The following RBFOX3 variants were observed in gnomAD, a reference collection of about 807,000 sequenced individuals.
RBFOX3 encodes RNA binding protein fox-1 homolog 3.
RBFOX3 carries 17 observed loss-of-function variants against 48.7 expected under a neutral mutation model. The ratio of observed to expected loss-of-function variants is 0.35; its 90% confidence interval spans 0.24 to 0.52. The LOEUF (loss-of-function observed/expected upper bound fraction) is 0.52. RBFOX3 is among the 20% of genes least tolerant of loss of function. The pLI is 0.94. For missense variants in RBFOX3, 382 were observed against 497.5 expected, an observed-to-expected ratio of 0.77 and a Z score of 2.21; for synonymous variants, 212 against 209.5, an observed-to-expected ratio of 1.01 and a Z score of -0.10.
Position 79,311,268 on chromosome 17 carries a change from A to G in RBFOX3, c.-174-3444T>C, listed in dbSNP as rs1282973337. On this transcript the variant is annotated intron_variant, in intron 2 of 14. Transcript: ENST00000693108. This position sits in a 1 kb window ranked among gnomAD's most constrained non-coding sequence, Gnocchi z 4.2. ...GCCAACATGTCAAAACCCCATCTCT[A>G]TTAAAAATACAAAAATTAGCTAGGC... Among the ~76,000 whole-genome samples the G allele has an allele frequency of 6.6e-6, 1 of 152,050 alleles. No homozygotes were observed. Among genetic ancestry groups the G allele is most frequent in the African/African-American group, 2.4e-5 (1 of 41,384 alleles).
At chr17:79,124,747 G>A (rs893272064) in intron 4 of RBFOX3, among the ~76,000 whole-genome samples, 2 of 152,228 alleles carry the variant, frequency 1.3e-5, no homozygotes, top group African/African-American at 4.8e-5. Flanking sequence ...CCCTTACCCC[G>A]CCTCTGCTCC....
At chr17:79,448,770 C>T (rs1024187978) in intron 2 of RBFOX3, among the ~76,000 whole-genome samples, 4 of 152,196 alleles carry the variant, frequency 2.6e-5, no homozygotes, top group African/African-American at 2.4e-5. Flanking sequence ...GCTCCCAGAG[C>T]AGGTTCAACA....
At chr17:79,167,364 C>G (rs2048225833) in intron 4 of RBFOX3, among the ~76,000 whole-genome samples, 1 of 152,028 alleles carries the variant, frequency 6.6e-6, no homozygotes, top group African/African-American at 2.4e-5. Context: ...TCTGGGGGCC[C>G]CTCCTTCTCT....
chr17:79,572,920 C>T (rs1015811588), intron 1 of RBFOX3, among the ~76,000 whole-genome samples: 13 of 151,846 alleles, frequency 8.6e-5, no homozygotes, highest in African/African-American at 3.1e-4. Context: ...GATAAGACAG[C>T]ATAGCCAGTA....
Position 79,403,872 on chromosome 17 carries a change from C to T in RBFOX3, c.-175+78582G>A, listed in dbSNP as rs367750263. ...TCGGCTCACTGCAAGCTCCACCTCC[C>T]GGGTTCACACCATTCTCCTGCTTCA... On this transcript the variant is annotated intron_variant, in intron 2 of 14. Transcript: ENST00000693108. 9.9e-4 allele frequency among the ~76,000 whole-genome samples: 150 copies of T among 151,672 alleles called. 1 individual carries two copies. Among genetic ancestry groups the T allele is most frequent in the African/African-American group, 3.3e-3 (137 of 41,372 alleles).
the RBFOX3 span, among the ~76,000 whole-genome samples, chr17:79,655,492 T>G: frequency 6.6e-6 from 1 of 152,150 alleles, no homozygotes; most frequent in African/African-American, 2.4e-5. Flanking sequence ...ATTCAAAAAT[T>G]CCAAAAGCTC....
intron 2 of RBFOX3, among the ~76,000 whole-genome samples, chr17:79,415,390 C>T (rs978668232): frequency 1.3e-5 from 2 of 152,190 alleles, no homozygotes; most frequent in African/African-American, 4.8e-5. Context: ...TACCTCCCCT[C>T]CCCCACCCAG....
chr17:79,231,988 C>T (rs1176998536), intron 4 of RBFOX3, among the ~76,000 whole-genome samples: 7 of 152,254 alleles, frequency 4.6e-5, no homozygotes, highest in East Asian at 3.9e-4. Flanking sequence ...ACAATCAGGG[C>T]GGAAGACACC....
chr17:79,464,159 C>T (rs1307775672), intron 2 of RBFOX3, among the ~76,000 whole-genome samples: 1 of 152,266 alleles, frequency 6.6e-6, no homozygotes, highest in Admixed American at 6.5e-5. Context: ...AGTGCACCAG[C>T]TCCTCGTGCT....
chr17:79,093,822 CACACAGAG>C (rs2074539508), intron 14 of RBFOX3, among the ~76,000 whole-genome samples: 1 of 148,484 alleles, frequency 6.7e-6, no homozygotes, highest in South Asian at 2.1e-4. Context: ...CACACACACA[CACACAGAG>C]ACACGCCACG....
chr17:79,624,277 C>T, the RBFOX3 span, among the ~76,000 whole-genome samples: 9 of 152,194 alleles, frequency 5.9e-5, no homozygotes, highest in East Asian at 1.9e-4. Flanking sequence ...CGTCAGCTCC[C>T]GGATCAGGGT....
intron 4 of RBFOX3, among the ~76,000 whole-genome samples, chr17:79,171,379 C>T (rs777702174): frequency 3.3e-5 from 5 of 152,210 alleles, no homozygotes; most frequent in Non-Finnish European, 5.9e-5. Context: ...ACGTTTTCTA[C>T]GAGGGGCCAG....
intron 4 of RBFOX3, among the ~76,000 whole-genome samples, chr17:79,230,351 C>T (rs1476401021): frequency 6.6e-6 from 1 of 152,134 alleles, no homozygotes; most frequent in Non-Finnish European, 1.5e-5. Flanking sequence ...CCTCTGCCTC[C>T]TGGGTTCAAG....
In RBFOX3 at chr17:79,092,742, C is replaced by T; in HGVS notation, c.1077+1709G>A. On this transcript the variant is annotated intron_variant, in intron 14 of 14. Transcript: ENST00000693108. The stretch of plus-strand genomic sequence containing the variant: ...AAAGGAAAAACAAAAAGAGAAATAG[C>T]CAAGTCTCGATTTCTTTCCCCCTAT... 5 of 613,988 alleles carry T rather than the reference C, an allele frequency of 8.1e-6. No individual in the cohort carries two copies. The South Asian group carries it at 3.6e-4, about 44-fold the overall frequency. The allele number at this position is 613,988 out of a possible 1,614,324, so 38.0% of individuals were successfully genotyped here.
chr17:79,485,844 C>T (rs2079514646), intron 1 of RBFOX3, among the ~76,000 whole-genome samples: 1 of 152,246 alleles, frequency 6.6e-6, no homozygotes, highest in Non-Finnish European at 1.5e-5. Flanking sequence ...GCGCTGCATC[C>T]TAGCCCCACC....
chr17:79,446,777 G>C (rs914714029), intron 2 of RBFOX3, among the ~76,000 whole-genome samples: 4 of 113,076 alleles, frequency 3.5e-5, no homozygotes, highest in African/African-American at 1.0e-4. Context: ...CTGCTCTGCA[G>C]GGGCAGTCAC....
chr17:79,179,686 G>A (rs1249570998), intron 4 of RBFOX3, among the ~76,000 whole-genome samples: 1 of 152,296 alleles, frequency 6.6e-6, no homozygotes, highest in Non-Finnish European at 1.5e-5. Context: ...CCCATTTTTC[G>A]AGCTTGGGGT....
At chr17:79,429,475 G>A (rs999802281) in intron 2 of RBFOX3, among the ~76,000 whole-genome samples, 2 of 152,194 alleles carry the variant, frequency 1.3e-5, no homozygotes, top group African/African-American at 4.8e-5. Flanking sequence ...TGGGCAGGAG[G>A]AGGGAGGCCA....
intron 4 of RBFOX3, among the ~76,000 whole-genome samples, chr17:79,120,431 A>G (rs2035386441): frequency 6.6e-6 from 1 of 150,576 alleles, no homozygotes; most frequent in Non-Finnish European, 1.5e-5. Context: ...AGATGAGTGG[A>G]TGGATCAGAA....
Sources: allele counts gnomAD v4.1 joint callset (sites outside exome capture counted in the v4.1 genomes callset), GRCh38; gene constraint gnomAD v4.1.1; non-coding constraint Gnocchi (gnomAD v3.1); transcripts MANE v1.5; gene names NCBI Gene and HGNC (gene_info 2026-07-23, HGNC 2026-07-21).